GRID2: variants seen among roughly 807,000 people sequenced by gnomAD.
The protein encoded by GRID2 is glutamate ionotropic receptor delta type subunit 2, also known as glutamate receptor ionotropic, delta-2.
GRID2 carries 33 observed loss-of-function variants against 114.8 expected under a neutral mutation model. The ratio of observed to expected loss-of-function variants is 0.29; its 90% CI spans 0.22 to 0.38. The LOEUF is 0.38. Among genes scored for constraint, GRID2 ranks in the 10% least tolerant of loss-of-function variants. The pLI, the probability that GRID2 is intolerant of heterozygous loss-of-function variation, is 1.00. For synonymous variants in GRID2, 505 were observed against 449.9 expected (o/e 1.12, Z -1.55); for missense variants, 1,184 against 1,257.7 (o/e 0.94, Z 0.89).
At chr4:93,650,527 A>C (rs1722492496) in intron 14 of GRID2, among the ~76,000 whole-genome samples, 1 of 152,174 alleles carries the variant, frequency 6.6e-6, no homozygotes, top group Non-Finnish European at 1.5e-5. Flanking sequence ...AGGGGCACAA[A>C]AATAAGAAAT....
intron 2 of GRID2, among the ~76,000 whole-genome samples, chr4:92,881,217 A>G (rs773304820): frequency 3.3e-5 from 5 of 152,106 alleles, no homozygotes; most frequent in Non-Finnish European, 7.4e-5. Flanking sequence ...TTTTTCTTTA[A>G]CAATAAAAAT....
chr4:92,669,676 C>T (rs1030220951), intron 2 of GRID2, among the ~76,000 whole-genome samples: 1 of 151,902 alleles, frequency 6.6e-6, no homozygotes, highest in African/African-American at 2.4e-5. Context: ...ACTAATAGCG[C>T]CCTTTCCTTT....
intron 2 of GRID2, among the ~76,000 whole-genome samples, chr4:93,013,250 T>C (rs1722359810): frequency 6.6e-6 from 1 of 151,906 alleles, no homozygotes; most frequent in African/African-American, 2.4e-5. Context: ...TCTCGAGAGA[T>C]GGTATGGATG....
chr4:93,709,459 G>A (rs1252398515), intron 14 of GRID2, among the ~76,000 whole-genome samples: 1 of 152,102 alleles, frequency 6.6e-6, no homozygotes, highest in Non-Finnish European at 1.5e-5. Flanking sequence ...TGTATTGGAG[G>A]TCATTTGTAT....
intron 8 of GRID2, among the ~76,000 whole-genome samples, chr4:93,269,741 A>G (rs1751234180): frequency 6.6e-6 from 1 of 152,210 alleles, no homozygotes; most frequent in Non-Finnish European, 1.5e-5. Flanking sequence ...TTAGAACCTG[A>G]ACTTTAATCA....
chr4:93,544,725 C>T (rs919504436), intron 13 of GRID2, among the ~76,000 whole-genome samples: 2 of 147,644 alleles, frequency 1.4e-5, no homozygotes, highest in African/African-American at 5.0e-5. Flanking sequence ...TGCAGTGAGT[C>T]GAGATCACAC....
chr4:93,562,989 C>A (rs1735067177), intron 13 of GRID2, among the ~76,000 whole-genome samples: 2 of 151,908 alleles, frequency 1.3e-5, no homozygotes, highest in African/African-American at 2.4e-5. Context: ...TTATTGTAAG[C>A]CTTCAAGTCA....
At chr4:92,876,617 T>C (rs72663602) in intron 2 of GRID2, among the ~76,000 whole-genome samples, 1 of 152,180 alleles carries the variant, frequency 6.6e-6, no homozygotes, top group African/African-American at 2.4e-5. Flanking sequence ...AAACCCAATT[T>C]TCTTGATTAT....
At chr4:92,366,635 G>A (rs1027242165) in intron 1 of GRID2, among the ~76,000 whole-genome samples, 2 of 151,894 alleles carry the variant, frequency 1.3e-5, no homozygotes, top group African/African-American at 4.8e-5. Context: ...TACTTTATAA[G>A]CTACATAAGA....
At chr4:93,397,884 AT>A (rs1765489376) in intron 9 of GRID2, among the ~76,000 whole-genome samples, 3 of 151,500 alleles carry the variant, frequency 2.0e-5, no homozygotes, top group African/African-American at 7.3e-5. Context: ...TATTTTTGTT[AT>A]TTTTATTGGG....
chr4:92,955,638 A>T (rs1752349591), intron 2 of GRID2, among the ~76,000 whole-genome samples: 1 of 152,092 alleles, frequency 6.6e-6, no homozygotes, highest in South Asian at 2.1e-4. Flanking sequence ...CCATTTGTCA[A>T]TTTTGGCTTT....
intron 1 of GRID2, among the ~76,000 whole-genome samples, chr4:92,359,532 A>G (rs1728510822): frequency 6.6e-6 from 1 of 151,982 alleles, no homozygotes; most frequent in South Asian, 2.1e-4. Flanking sequence ...AGCCCAGCAC[A>G]ATGCCTGGCA....
chr4:93,180,264 T>G (rs1474223624), intron 4 of GRID2, among the ~76,000 whole-genome samples: 3 of 152,106 alleles, frequency 2.0e-5, no homozygotes, highest in Admixed American at 6.6e-5. Flanking sequence ...AAATGTTATG[T>G]TTGCACTATA....
chr4:93,668,876 A>G (rs570800551), intron 14 of GRID2, among the ~76,000 whole-genome samples: 79 of 152,280 alleles, frequency 5.2e-4, no homozygotes, highest in African/African-American at 1.9e-3. Flanking sequence ...GTCTAAAATA[A>G]GAACAAATTA....
intron 2 of GRID2, among the ~76,000 whole-genome samples, chr4:92,815,914 CAAAAAAAAAAA>C (rs5860292): frequency 2.1e-5 from 1 of 46,864 alleles, no homozygotes; most frequent in Non-Finnish European, 3.6e-5. Flanking sequence ...GACCCTGTCT[CAAAAAAAAAAA>C]AAAAAAAAAA....
rs1314799144 is a variant in GRID2, at chr4:93,590,478, T to C, written c.2194-35791T>C. On this transcript the variant is annotated intron_variant, in intron 13 of 15. Coordinates refer to ENST00000282020, the MANE Select transcript of GRID2 (RefSeq NM_001510.4). ...TGTAGCCTTGTAGTATAGTTTGAAG[T>C]CAGGTAGTGTGATGCCTCCAGCTTT... Among the ~76,000 whole-genome samples the C allele has an allele frequency of 5.3e-5, 8 of 150,446 alleles. No individual in the cohort carries two copies. In the South Asian group the frequency reaches 6.4e-4, roughly 12 times the overall value.
intron 1 of GRID2, among the ~76,000 whole-genome samples, chr4:92,517,043 A>G (rs888248854): frequency 7.0e-6 from 1 of 143,872 alleles, no homozygotes; most frequent in Non-Finnish European, 1.6e-5. Context: ...TGGGATAGTT[A>G]CATATTTTGA....
At chr4:93,189,562 T>A (rs1740769322) in intron 4 of GRID2, among the ~76,000 whole-genome samples, 1 of 152,070 alleles carries the variant, frequency 6.6e-6, no homozygotes, top group African/African-American at 2.4e-5. Context: ...CATCTAAACA[T>A]TTTTTTCTAG....
chr4:92,660,368 G>A (rs927489759), intron 2 of GRID2, among the ~76,000 whole-genome samples: 1 of 151,206 alleles, frequency 6.6e-6, no homozygotes, highest in African/African-American at 2.4e-5. Flanking sequence ...ATAAAAGGCT[G>A]GTTCCAGTTT....
Sources: allele counts gnomAD v4.1 joint callset (sites outside exome capture counted in the v4.1 genomes callset), GRCh38; gene constraint gnomAD v4.1.1; transcripts MANE v1.5; gene names NCBI Gene and HGNC (gene_info 2026-07-23, HGNC 2026-07-21).